TLE1: variants seen among roughly 807,000 people sequenced by gnomAD.
TLE1 encodes the protein TLE family member 1, transcriptional corepressor, also known as transducin-like enhancer protein 1.
Under a neutral mutation model 89.8 loss-of-function variants are expected in TLE1, and 21 were observed. That is an observed-to-expected ratio of 0.23 (90% CI 0.17 to 0.34). The LOEUF (loss-of-function observed/expected upper bound fraction) is 0.34, where lower values mean the gene tolerates loss of function less well. Ranked by LOEUF, TLE1 falls within the 10% of genes least tolerant of loss-of-function variation. The probability of loss-of-function intolerance (pLI) is 1.00; values close to 1 mark genes in which losing one functional copy is unlikely to be tolerated. For synonymous variants in TLE1, 447 were observed against 407.6 expected (o/e 1.10, Z -1.16); for missense variants, 795 against 1,031.2 (o/e 0.77, Z 3.14).
Position 81,620,459 on chromosome 9 carries a change from A to C in TLE1, c.693T>G (p.Asp231Glu). The change falls in exon 9 of 20, where the codon GAT becomes GAG. Residue 231 changes from aspartate to glutamate, a missense_variant. Transcript: ENST00000376499. Reference protein sequence around the residue: ...SNDIKKRKVDDKDSSHYDSDG... With the variant: ...SNDIKKRKVDEKDSSHYDSDG... Reference sequence around the variant, plus strand: ...TACTTACATAGTGGCTGGAGTCCTTATCATCCACCTTCCTTTTCTTGATGT... The same window carrying C: ...TACTTACATAGTGGCTGGAGTCCTTCTCATCCACCTTCCTTTTCTTGATGT... The C allele has an allele frequency of 6.2e-7, 1 of 1,613,948 alleles. No individual in the cohort carries two copies. The highest frequency in any genetic ancestry group is 1.3e-5 in the African/African-American group (1 of 75,036).
At position 81,668,917 on chromosome 9, in the gene TLE1, C is replaced by T. The variant is rs1301017728; in HGVS notation, c.235-14881G>A. ...CAAGTTATTTTACAAGTGGACAAAT[C>T]AATTTATATGCTCCTGTGTGTTTTT... On this transcript the variant is annotated intron_variant, in intron 4 of 19. Coordinates refer to ENST00000376499, the MANE Select transcript of TLE1 (RefSeq NM_005077.5). 5.9e-5 allele frequency among the ~76,000 whole-genome samples: 9 copies of T among 152,228 alleles called. No homozygotes were observed. In the East Asian group the frequency reaches 1.7e-3, roughly 29 times the overall value.
At chr9:81,634,407 G>A in intron 6 of TLE1, 106 bp from the exon 7 acceptor site, 1 of 929,878 alleles carries the variant, frequency 1.1e-6, no homozygotes. Context: ...ATGACAGGAG[G>A]GGAAGGCGGA....
At chr9:81,595,304 T>C (rs1381549814) in intron 14 of TLE1, among the ~76,000 whole-genome samples, 1 of 152,190 alleles carries the variant, frequency 6.6e-6, no homozygotes. Context: ...CTTGGAGTCA[T>C]AATCAAATAG....
intron 8 of TLE1, among the ~76,000 whole-genome samples, chr9:81,632,720 AC>A (rs1471376135): frequency 6.6e-6 from 1 of 151,952 alleles, no homozygotes; most frequent in Non-Finnish European, 1.5e-5. Context: ...CATGAACTCT[AC>A]GCACACAGCC....
chr9:81,614,155 G>A (rs1015953196), intron 11 of TLE1, among the ~76,000 whole-genome samples: 2 of 151,874 alleles, frequency 1.3e-5, no homozygotes, highest in African/African-American at 4.8e-5. Context: ...TGATCCACCC[G>A]CCTTGGCCTC....
chr9:81,634,752 T>G (rs1234972672), intron 6 of TLE1, among the ~76,000 whole-genome samples: 1 of 152,094 alleles, frequency 6.6e-6, no homozygotes, highest in African/African-American at 2.4e-5. Context: ...TCAGAGGGAT[T>G]AAAATGGGGG....
intron 6 of TLE1, among the ~76,000 whole-genome samples, chr9:81,650,307 C>T (rs1057404244): frequency 2.0e-5 from 3 of 152,190 alleles, no homozygotes; most frequent in Non-Finnish European, 1.5e-5. Context: ...AAGAGCTGGG[C>T]GGTGCCTTTG....
At chr9:81,597,253 C>T (rs1830343673) in intron 14 of TLE1, among the ~76,000 whole-genome samples, 1 of 151,870 alleles carries the variant, frequency 6.6e-6, no homozygotes, top group South Asian at 2.1e-4. Flanking sequence ...CAGGAAATGA[C>T]AGTATTGTTA....
chr9:81,600,073 C>T (rs772571832), intron 14 of TLE1: 1 of 737,124 alleles, frequency 1.4e-6, no homozygotes. Context: ...CTATCAATTA[C>T]ACGTTTCCAA....
intron 11 of TLE1, among the ~76,000 whole-genome samples, chr9:81,614,772 G>A (rs533129490): frequency 1.6e-4 from 25 of 152,088 alleles, no homozygotes; most frequent in African/African-American, 5.5e-4. Flanking sequence ...GCTTCCCCTG[G>A]GGCCTCCTTT....
intron 4 of TLE1, among the ~76,000 whole-genome samples, chr9:81,669,488 G>C (rs1212594699): frequency 2.0e-5 from 3 of 152,224 alleles, no homozygotes. Context: ...CAATTTTCCA[G>C]TCTGCAAGCA....
At chr9:81,591,569 G>A (rs1448103066) in intron 15 of TLE1, among the ~76,000 whole-genome samples, 2 of 152,132 alleles carry the variant, frequency 1.3e-5, no homozygotes, top group Non-Finnish European at 2.9e-5. Flanking sequence ...CCTGATAAAA[G>A]CAGGCATCTT....
chr9:81,645,739 T>G (rs1479811252), intron 6 of TLE1, among the ~76,000 whole-genome samples: 1 of 145,912 alleles, frequency 6.9e-6, no homozygotes, highest in East Asian at 2.0e-4. Context: ...AAACTCTGTC[T>G]CCAAAAAAAT....
At position 81,681,840 on chromosome 9, in the gene TLE1, A is replaced by G. The variant is rs1459768537; in HGVS notation, c.234+3836T>C. Among the ~76,000 whole-genome samples, 3 of 152,308 alleles carry G rather than the reference A, an allele frequency of 2.0e-5. No homozygotes were observed. In the East Asian group the frequency reaches 5.8e-4, roughly 29 times the overall value. On this transcript the variant is annotated intron_variant, in intron 4 of 19. Coordinates refer to ENST00000376499, the MANE Select transcript of TLE1 (RefSeq NM_005077.5). ...TTTAGAACATACATTCAGTCCTGAC[A>G]TGTCTTACAAATCATGAAGTTCATC...
At chr9:81,621,702 G>A (rs1399883057) in intron 8 of TLE1, among the ~76,000 whole-genome samples, 2 of 152,174 alleles carry the variant, frequency 1.3e-5, no homozygotes, top group Non-Finnish European at 2.9e-5. Flanking sequence ...TTCCTAACCA[G>A]CCAGAGGTAA....
intron 6 of TLE1, among the ~76,000 whole-genome samples, chr9:81,637,033 AG>A (rs1167686018): frequency 6.6e-6 from 1 of 151,750 alleles, no homozygotes; most frequent in Non-Finnish European, 1.5e-5. Flanking sequence ...AGAAAAAAAA[AG>A]ATTTCCCCTC....
At position 81,616,626 on chromosome 9, in the gene TLE1, T is replaced by G; in HGVS notation, c.765+20A>C. The G allele has an allele frequency of 6.2e-7, 1 of 1,613,184 alleles. No individual in the cohort carries two copies. Among genetic ancestry groups the G allele is most frequent in the Non-Finnish European group, 8.5e-7 (1 of 1,179,522 alleles). On this transcript the variant is annotated intron_variant, in intron 10 of 19. Transcript: ENST00000376499. Reference sequence around the variant, plus strand: ...ATTCAAATCATTCTGAAGACAAACTTTGATGAAAAGAATGGTTACCTCATT... The same window carrying G: ...ATTCAAATCATTCTGAAGACAAACTGTGATGAAAAGAATGGTTACCTCATT...
intron 6 of TLE1, among the ~76,000 whole-genome samples, chr9:81,635,500 G>A (rs1381580776): frequency 1.3e-5 from 2 of 152,072 alleles, no homozygotes; most frequent in Admixed American, 6.5e-5. Flanking sequence ...TCCAAGAAAT[G>A]GCCCCTGTAC....
chr9:81,679,595 T>C (rs1267413457), intron 4 of TLE1, among the ~76,000 whole-genome samples: 1 of 152,142 alleles, frequency 6.6e-6, no homozygotes, highest in African/African-American at 2.4e-5. Flanking sequence ...AGAACAATCC[T>C]CTGGTGAGGA....
Sources: gnomAD v4.1 joint callset for allele counts (sites outside exome capture counted in the v4.1 genomes callset) on GRCh38, gnomAD v4.1.1 for gene constraint, MANE v1.5 for transcripts, NCBI Gene and HGNC (gene_info 2026-07-23, HGNC 2026-07-21) for gene names.